Variants in SLC6A15 observed in about 807,000 individuals in gnomAD.
The protein encoded by SLC6A15 is solute carrier family 6 member 15.
A neutral mutation model predicts 68.5 loss-of-function variants in SLC6A15; 33 were observed. The ratio of observed to expected loss-of-function variants is 0.48; its 90% CI spans 0.37 to 0.64. The LOEUF (loss-of-function observed/expected upper bound fraction) is 0.64, where lower values mean the gene tolerates loss of function less well. SLC6A15 is among the 30% of genes least tolerant of loss of function. The pLI is 0.00. For synonymous variants in SLC6A15, 347 were observed against 301.0 expected, an observed-to-expected ratio of 1.15 and a Z score of -1.58; for missense variants, 747 against 874.3, an observed-to-expected ratio of 0.85 and a Z score of 1.84.
chr12:84,893,061 G>A (rs1872489130), intron 1 of SLC6A15, among the ~76,000 whole-genome samples: 1 of 152,058 alleles, frequency 6.6e-6, no homozygotes, highest in South Asian at 2.1e-4. Context: ...CAAAGTGCTG[G>A]GATTATATTG....
At chr12:84,867,375 C>T (rs893159899) in intron 9 of SLC6A15, 182 bp from the exon 10 acceptor site, 1 of 374,500 alleles carries the variant, frequency 2.7e-6, no homozygotes. Context: ...CTGGGTGTAG[C>T]CTCAACATTC....
chr12:84,912,293 C>T (rs1168212537), intron 1 of SLC6A15, among the ~76,000 whole-genome samples: 2 of 152,150 alleles, frequency 1.3e-5, no homozygotes, highest in East Asian at 3.9e-4. Flanking sequence ...CTGTCGCCCC[C>T]CACCCTGATT....
At chr12:84,877,162 T>C (rs1871585372) in intron 5 of SLC6A15, among the ~76,000 whole-genome samples, 1 of 152,164 alleles carries the variant, frequency 6.6e-6, no homozygotes, top group South Asian at 2.1e-4. Flanking sequence ...GAAAAGGAAG[T>C]GTGCTACTCA....
intron 5 of SLC6A15, among the ~76,000 whole-genome samples, chr12:84,878,285 TTCAC>T (rs1482695653): frequency 6.6e-6 from 1 of 152,216 alleles, no homozygotes; most frequent in African/African-American, 2.4e-5. Context: ...TGATTAATCC[TTCAC>T]TCAAATTTTT....
At chr12:84,875,516 A>C (rs1871477075) in intron 6 of SLC6A15, among the ~76,000 whole-genome samples, 1 of 151,702 alleles carries the variant, frequency 6.6e-6, no homozygotes, top group African/African-American at 2.4e-5. Context: ...CAAATCTCAC[A>C]GCACAATGCT....
At chr12:84,901,636 T>C (rs1872887350) in intron 1 of SLC6A15, among the ~76,000 whole-genome samples, 1 of 151,828 alleles carries the variant, frequency 6.6e-6, no homozygotes, top group Admixed American at 6.6e-5. Context: ...TTAATTAACA[T>C]TTCCAGTGAA....
chr12:84,883,957 C>T lies in SLC6A15; in HGVS notation c.658G>A (p.Glu220Lys). ...ATCTTCCAGTTTAAGCCCCCACTTTCAGAAATGGAACTTGAAATATTCAGT... is the reference window on the plus strand; with the variant it reads ...ATCTTCCAGTTTAAGCCCCCACTTTTAGAAATGGAACTTGAAATATTCAGT... Reference protein sequence around the residue: ...EALNISSSISESGGLNWKMTI... With the variant: ...EALNISSSISKSGGLNWKMTI... Residue 220 changes from glutamate (E) to lysine (K), a missense_variant, in exon 5 of 12, where the codon GAA becomes AAA. Coordinates refer to ENST00000266682, the MANE Select transcript of SLC6A15 (RefSeq NM_182767.6). 6.2e-7 allele frequency: 1 copy of T among 1,614,178 alleles called. No individual in the cohort carries two copies. The highest frequency in any genetic ancestry group is 8.5e-7 in the Non-Finnish European group (1 of 1,180,038).
intron 10 of SLC6A15, among the ~76,000 whole-genome samples, 181 bp downstream of exon 10, chr12:84,866,853 C>A (rs968032316): frequency 1.3e-5 from 2 of 152,098 alleles, no homozygotes; most frequent in African/African-American, 4.8e-5. Context: ...ATTCTATTTG[C>A]CCAACAGGGA....
chr12:84,885,525 T>C lies in SLC6A15; in HGVS notation c.484A>G (p.Ile162Val). 6.2e-7 allele frequency: 1 copy of C among 1,613,450 alleles called. No individual in the cohort carries two copies. Among genetic ancestry groups the C allele is most frequent in the Non-Finnish European group, 8.5e-7 (1 of 1,179,668 alleles). ...YFVALYYNVI[I>V]GWSLFYFSQS... Reference sequence around the variant, plus strand: ...GAAAAATAAAACAAACTCCAGCCAATGATGACGTTGTAGTAGAGAGCTACA... The same window carrying C: ...GAAAAATAAAACAAACTCCAGCCAACGATGACGTTGTAGTAGAGAGCTACA... Residue 162 changes from isoleucine to valine, a missense_variant, in exon 4 of 12, where the codon ATT becomes GTT. Coordinates refer to ENST00000266682, the MANE Select transcript of SLC6A15 (RefSeq NM_182767.6).
At chr12:84,901,206 G>A (rs1369781746) in intron 1 of SLC6A15, among the ~76,000 whole-genome samples, 5 of 151,156 alleles carry the variant, frequency 3.3e-5, no homozygotes, top group Non-Finnish European at 5.9e-5. Context: ...TAAAAGTTTG[G>A]CAGCACTCGC....
chr12:84,890,064 T>A (rs1210380738), intron 2 of SLC6A15, among the ~76,000 whole-genome samples: 2 of 152,128 alleles, frequency 1.3e-5, no homozygotes, highest in African/African-American at 4.8e-5. Context: ...CTCCAACAAT[T>A]AGAAGACTCA....
intron 5 of SLC6A15, among the ~76,000 whole-genome samples, chr12:84,877,776 T>TTTG (rs376315369): frequency 6.6e-6 from 1 of 152,076 alleles, no homozygotes; most frequent in African/African-American, 2.4e-5. Context: ...TTACCCTAGG[T>TTTG]TTGTTGTTGT....
chr12:84,888,283 A>G (rs1039981455), intron 2 of SLC6A15, among the ~76,000 whole-genome samples: 12 of 151,148 alleles, frequency 7.9e-5, no homozygotes, highest in Non-Finnish European at 1.6e-4. Context: ...AAAAGCCAAA[A>G]ACAAAAACAA....
chr12:84,870,349 T>C (rs982952017), intron 9 of SLC6A15, 129 bp downstream of exon 9: 8 of 404,370 alleles, frequency 2.0e-5, no homozygotes, highest in African/African-American at 1.2e-4. Context: ...ATGTATACAA[T>C]AATAAATAGT....
At chr12:84,906,380 G>A (rs988520240) in intron 1 of SLC6A15, among the ~76,000 whole-genome samples, 2 of 151,996 alleles carry the variant, frequency 1.3e-5, no homozygotes, top group East Asian at 3.9e-4. Context: ...ATTGATATAT[G>A]GTTAAATGAA....
chr12:84,906,846 T>C (rs1300428038), intron 1 of SLC6A15, among the ~76,000 whole-genome samples: 1 of 152,080 alleles, frequency 6.6e-6, no homozygotes, highest in Admixed American at 6.6e-5. Context: ...TCAGATTAAA[T>C]CTTTGAGATC....
At position 84,895,339 on chromosome 12, in the gene SLC6A15, A is replaced by ATTTTTTTTTTTTTTTTTTTTTTTTTTT. The variant is rs67339994; in HGVS notation, c.-188-3058_-188-3032dup. ...CTTAGATGTTTTCATTTTTGTTTGT[A>ATTTTTTTTTTTTTTTTTTTTTTTTTTT]TTTTTTTTTTTTTTTTTTTTTTTTT... On this transcript the variant is annotated intron_variant, in intron 1 of 11. Transcript: ENST00000266682. Among the ~76,000 whole-genome samples the ATTTTTTTTTTTTTTTTTTTTTTTTTTT allele has an allele frequency of 1.3e-4, 7 of 54,784 alleles. 1 individual carries two copies. The highest frequency in any genetic ancestry group is 2.7e-4 in the African/African-American group (4 of 14,842). The allele number at this position is 54,784 out of a possible 152,430, so 35.9% of individuals were successfully genotyped here.
At chr12:84,869,464 C>CA (rs34160834) in intron 9 of SLC6A15, among the ~76,000 whole-genome samples, 5,382 of 62,436 alleles carry the variant, frequency 0.086, 306 homozygotes, top group African/African-American at 0.095. Flanking sequence ...GACTCCGTCT[C>CA]AAAAAAAAAA....
chr12:84,872,498 C>T (rs1374035064), intron 8 of SLC6A15, 104 bp downstream of exon 8: 1 of 806,052 alleles, frequency 1.2e-6, no homozygotes, highest in Non-Finnish European at 1.9e-6. Context: ...ATTTTAAGAG[C>T]TTCTTCGGGC....
Sources: gnomAD v4.1 joint callset for allele counts (sites outside exome capture counted in the v4.1 genomes callset) on GRCh38, gnomAD v4.1.1 for gene constraint, MANE v1.5 for transcripts, NCBI Gene and HGNC (gene_info 2026-07-23, HGNC 2026-07-21) for gene names.